WDFY4: variants seen among roughly 807,000 people sequenced by gnomAD.
The protein encoded by WDFY4 is WD repeat- and FYVE domain-containing protein 4.
In WDFY4, 169 loss-of-function variants were observed where a neutral mutation model predicts 351.9. The ratio of observed to expected loss-of-function variants is 0.48; its 90% CI spans 0.42 to 0.55. The LOEUF is 0.55. WDFY4 is among the 20% of genes least tolerant of loss of function. The pLI, the probability that WDFY4 is intolerant of heterozygous loss-of-function variation, is 0.00. For missense variants in WDFY4, 3,803 were observed against 3,935.6 expected, an observed-to-expected ratio of 0.97 and a Z score of 0.90; for synonymous variants, 1,622 against 1,574.6, an observed-to-expected ratio of 1.03 and a Z score of -0.71.
chr10:48,957,228 CCA>C lies in WDFY4; in HGVS notation c.8078_8079del (p.Pro2693ArgfsTer7). ...CATGAGTGACGTCAGGGAGCTGACC[CCA>C]GAGTTCTTCTACCTGCCTGAGTTCT... The part of the protein sequence containing the change: ...ENMSDVRELT[P>X]EFFYLPEFLT... On this transcript the variant is annotated frameshift_variant, in exon 52 of 62. Coordinates refer to ENST00000325239, the MANE Select transcript of WDFY4 (RefSeq NM_001394531.1). LOFTEE classifies it high-confidence loss of function. 1.3e-6 allele frequency: 2 copies of C among 1,551,696 alleles called. No individual in the cohort carries two copies. Among genetic ancestry groups the C allele is most frequent in the Non-Finnish European group, 1.7e-6 (2 of 1,146,992 alleles).
intron 48 of WDFY4, among the ~76,000 whole-genome samples, chr10:48,942,203 G>A (rs753631032): frequency 1.3e-5 from 2 of 152,120 alleles, no homozygotes; most frequent in Non-Finnish European, 2.9e-5. Flanking sequence ...GACCTCAGGC[G>A]ATCCACCCAC....
At chr10:48,745,859 C>G in intron 12 of WDFY4, 1 of 321,692 alleles carries the variant, frequency 3.1e-6, no homozygotes, top group Non-Finnish European at 5.9e-6. Flanking sequence ...CCTGGCCTCG[C>G]TGGGCCTTGC....
intron 35 of WDFY4, among the ~76,000 whole-genome samples, chr10:48,825,752 T>A (rs1255875466): frequency 6.6e-6 from 1 of 152,176 alleles, no homozygotes; most frequent in Non-Finnish European, 1.5e-5. Flanking sequence ...CACCTGAATG[T>A]CTTCTTTGGA....
At chr10:48,763,517 G>C (rs1589547250) in intron 13 of WDFY4, among the ~76,000 whole-genome samples, 2 of 152,354 alleles carry the variant, frequency 1.3e-5, no homozygotes, top group African/African-American at 4.8e-5. Context: ...GTTGCTGATG[G>C]ATGTATTCTG....
intron 44 of WDFY4, among the ~76,000 whole-genome samples, chr10:48,891,506 A>G (rs1453198575): frequency 6.6e-6 from 1 of 152,236 alleles, no homozygotes; most frequent in Non-Finnish European, 1.5e-5. Context: ...GTCTTTGAAG[A>G]TATTTGGATG....
intron 47 of WDFY4, among the ~76,000 whole-genome samples, chr10:48,938,390 C>T (rs149033596): frequency 0.01 from 1,599 of 152,336 alleles, 26 homozygotes; most frequent in African/African-American, 0.036. Context: ...GAGGGTGCAG[C>T]CTTTAGCCAG....
At chr10:48,715,809 T>C (rs2063890013) in intron 2 of WDFY4, among the ~76,000 whole-genome samples, 1 of 29,856 alleles carries the variant, frequency 3.3e-5, no homozygotes, top group African/African-American at 1.3e-4. Flanking sequence ...TTTTCTTTTC[T>C]TTTTTTTTTT....
At chr10:48,832,424 G>A in intron 38 of WDFY4, 149 bp from the exon 39 acceptor site, 1 of 931,532 alleles carries the variant, frequency 1.1e-6, no homozygotes, top group Non-Finnish European at 1.5e-6. Flanking sequence ...GAAGACGGCA[G>A]TGTGAGCTTG....
At chr10:48,769,246 A>G (rs1589560850) in intron 13 of WDFY4, among the ~76,000 whole-genome samples, 1 of 151,992 alleles carries the variant, frequency 6.6e-6, no homozygotes, top group Non-Finnish European at 1.5e-5. Flanking sequence ...ACGATCATAA[A>G]CTCCCAAGCC....
At chr10:48,958,551 T>C (rs1408437510) in intron 52 of WDFY4, among the ~76,000 whole-genome samples, 2 of 152,088 alleles carry the variant, frequency 1.3e-5, no homozygotes, top group African/African-American at 2.4e-5. Context: ...GCAAATGTCC[T>C]CAGAAAAGTC....
chr10:48,811,775 C>T lies in WDFY4; in HGVS notation c.5214+67C>T, dbSNP rs928837753. 6 of 1,480,368 alleles carry T rather than the reference C, an allele frequency of 4.1e-6. No homozygotes were observed. In the Middle Eastern group the frequency reaches 5.5e-4, roughly 137 times the overall value. 91.7% of individuals were successfully genotyped at this position (1,480,368 alleles called of 1,614,324 possible). A position where few individuals can be genotyped will look rare whatever the true frequency, so the allele number is the denominator to read the frequency against. ...CTGATTCCACATGACTAAGGCAGGT[C>T]GCCAAGACCCTCTGCACTTACCTCC... is the stretch of plus-strand genomic sequence containing the variant. On this transcript the variant is annotated intron_variant, in intron 30 of 61. Transcript: ENST00000325239.
intron 14 of WDFY4, among the ~76,000 whole-genome samples, chr10:48,775,421 C>T (rs1218257109): frequency 1.3e-5 from 2 of 152,194 alleles, no homozygotes; most frequent in Non-Finnish European, 2.9e-5. Flanking sequence ...GGTTATAGTG[C>T]TGCATGGGAA....
intron 59 of WDFY4, 84 bp downstream of exon 59, chr10:48,977,063 C>T (rs932070204): frequency 3.1e-6 from 4 of 1,291,642 alleles, no homozygotes; most frequent in Non-Finnish European, 3.0e-6. Context: ...GGGGGCCAAA[C>T]CTGCAGGTTG....
chr10:48,869,290 C>T (rs1344163852), intron 40 of WDFY4, among the ~76,000 whole-genome samples: 1 of 152,132 alleles, frequency 6.6e-6, no homozygotes, highest in African/African-American at 2.4e-5. Flanking sequence ...CAGCTTCTCC[C>T]AGGTGCACCA....
chr10:48,809,918 C>T (rs764252308), intron 28 of WDFY4, among the ~76,000 whole-genome samples: 1 of 152,226 alleles, frequency 6.6e-6, no homozygotes, highest in African/African-American at 2.4e-5. Context: ...AGTCTGGGTC[C>T]TTTGCTGAAC....
chr10:48,909,132 A>G (rs1194348548), intron 47 of WDFY4, among the ~76,000 whole-genome samples: 1 of 152,184 alleles, frequency 6.6e-6, no homozygotes, highest in Non-Finnish European at 1.5e-5. Flanking sequence ...GTAGTATTCC[A>G]TGATAGAAAT....
At chr10:48,904,702 C>A (rs1312727536) in intron 47 of WDFY4, among the ~76,000 whole-genome samples, 2 of 152,194 alleles carry the variant, frequency 1.3e-5, no homozygotes, top group Non-Finnish European at 2.9e-5. Flanking sequence ...ATCCCGGTAA[C>A]TTTAGCAAAA....
chr10:48,700,660 A>G (rs1033194504), intron 1 of WDFY4, among the ~76,000 whole-genome samples: 1 of 152,244 alleles, frequency 6.6e-6, no homozygotes, highest in African/African-American at 2.4e-5. Flanking sequence ...CCATGCCTCC[A>G]TCTCATCTCC....
At chr10:48,879,387 T>C (rs913486225) in intron 43 of WDFY4, among the ~76,000 whole-genome samples, 2 of 152,220 alleles carry the variant, frequency 1.3e-5, no homozygotes, top group Non-Finnish European at 2.9e-5. Context: ...GGATCCATAG[T>C]AAACAGATAT....
Sources: gnomAD v4.1 joint callset for allele counts (sites outside exome capture counted in the v4.1 genomes callset) on GRCh38, gnomAD v4.1.1 for gene constraint, MANE v1.5 for transcripts, NCBI Gene and HGNC (gene_info 2026-07-23, HGNC 2026-07-21) for gene names.